The following OR3A2 variants were observed in gnomAD, a reference collection of about 807,000 sequenced individuals.
OR3A2 encodes the protein olfactory receptor family 3 subfamily A member 2.
For synonymous variants in OR3A2, 126 were observed against 159.3 expected (o/e 0.79, Z 1.57); for missense variants, 318 against 392.8 (o/e 0.81, Z 1.61).
intron 3 of OR3A2, among the ~76,000 whole-genome samples, chr17:3,292,928 C>T (rs548267631): frequency 4.6e-5 from 7 of 151,994 alleles, no homozygotes; most frequent in East Asian, 1.9e-4. Flanking sequence ...TGAACATGGC[C>T]GAGTAAATCC....
At chr17:3,381,777 G>C (rs1350585336) in intron 2 of OR3A2, among the ~76,000 whole-genome samples, 1 of 152,082 alleles carries the variant, frequency 6.6e-6, no homozygotes, top group Non-Finnish European at 1.5e-5. Flanking sequence ...TGAATGCCTT[G>C]TCCTTCAAGC....
chr17:3,363,898 C>T (rs162260), intron 2 of OR3A2, among the ~76,000 whole-genome samples: 3,045 of 152,150 alleles, frequency 0.02, 110 homozygotes, highest in African/African-American at 0.068. Context: ...GGAGGAAGTG[C>T]TACACATTTT....
At chr17:3,379,736 C>A (rs2049717134) in intron 2 of OR3A2, among the ~76,000 whole-genome samples, 1 of 152,114 alleles carries the variant, frequency 6.6e-6, no homozygotes, top group Admixed American at 6.5e-5. Flanking sequence ...TGGGAAAAAC[C>A]AGGGAGAAGA....
chr17:3,350,657 G>C (rs1476487028), intron 2 of OR3A2, among the ~76,000 whole-genome samples: 3 of 150,404 alleles, frequency 2.0e-5, no homozygotes, highest in Non-Finnish European at 4.5e-5. Flanking sequence ...AATAGAAAAA[G>C]AGGGAATCCT....
intron 3 of OR3A2, chr17:3,292,201 C>T: frequency 2.5e-6 from 4 of 1,614,072 alleles, no homozygotes; most frequent in Non-Finnish European, 3.4e-6. Flanking sequence ...CGGCAGATGG[C>T]CAGGAATCGG....
chr17:3,333,472 C>A (rs2049255578), intron 3 of OR3A2, among the ~76,000 whole-genome samples: 2 of 152,126 alleles, frequency 1.3e-5, no homozygotes, highest in African/African-American at 4.8e-5. Context: ...GTGACCTACT[C>A]CCTGTTCGTA....
chr17:3,324,735 G>C (rs10451232), intron 3 of OR3A2, among the ~76,000 whole-genome samples: 2,334 of 152,158 alleles, frequency 0.015, 77 homozygotes, highest in African/African-American at 0.052. Flanking sequence ...TCTCAGAGGA[G>C]TACCCGGCCG....
chr17:3,301,502 G>A (rs1255264405), intron 3 of OR3A2, among the ~76,000 whole-genome samples: 3 of 152,174 alleles, frequency 2.0e-5, no homozygotes, highest in African/African-American at 4.8e-5. Context: ...TTTGAGAAGT[G>A]TCTGTTCATA....
intron 3 of OR3A2, among the ~76,000 whole-genome samples, chr17:3,333,754 G>A (rs74765895): frequency 0.014 from 2,142 of 152,184 alleles, 53 homozygotes; most frequent in African/African-American, 0.048. Flanking sequence ...ATTGACAAAA[G>A]GGAGGCAATT....
chr17:3,330,345 C>CTA (rs1341648626), intron 3 of OR3A2, among the ~76,000 whole-genome samples: 6 of 149,954 alleles, frequency 4.0e-5, no homozygotes. Flanking sequence ...GTGTGGGAGT[C>CTA]TAAGTCTCTT....
At chr17:3,323,111 T>G (rs183606336) in intron 3 of OR3A2, among the ~76,000 whole-genome samples, 1 of 152,302 alleles carries the variant, frequency 6.6e-6, no homozygotes, top group Admixed American at 6.5e-5. Context: ...ATTGATCCCT[T>G]TACCGTTAAG....
At position 3,330,364 on chromosome 17, in the gene OR3A2, A is replaced by T. The variant is rs2150641668; in HGVS notation, c.-85+5669T>A. Among the ~76,000 whole-genome samples, 3 of 149,692 alleles carry T rather than the reference A, an allele frequency of 2.0e-5. 1 individual carries two copies. The highest frequency in any genetic ancestry group is 7.5e-5 in the African/African-American group (3 of 39,870). On this transcript the variant is annotated intron_variant, in intron 3 of 4. Coordinates refer to the OR3A2 transcript ENST00000573491. ...GGGAGTCTAAGTCTCTTTGTAGGTC[A>T]CTCAGGACTTGCTTTATGAATCTGG...
rs1056285096 is a variant in OR3A2 at position 3,350,590 on chromosome 17, A to C, written c.-178-14464T>G. Among the ~76,000 whole-genome samples the C allele has an allele frequency of 8.6e-5, 13 of 150,666 alleles. 1 individual carries two copies. Among genetic ancestry groups the C allele is most frequent in the African/African-American group, 3.1e-4 (13 of 41,378 alleles). On this transcript the variant is annotated intron_variant, in intron 2 of 4. Transcript: ENST00000573491. ...CAGGACCAGATGGATTCACAGCCGA[A>C]TTCTACCAGAGGTACAAGGAGGAAC...
At chr17:3,296,430 A>C (rs1016228234) in intron 3 of OR3A2, among the ~76,000 whole-genome samples, 5 of 152,170 alleles carry the variant, frequency 3.3e-5, no homozygotes, top group Admixed American at 3.3e-4. Flanking sequence ...AAGGAACCAT[A>C]AGAAAAGTCA....
intron 1 of OR3A2, among the ~76,000 whole-genome samples, chr17:3,283,813 CA>C (rs1193523611): frequency 5.3e-5 from 8 of 151,372 alleles, no homozygotes; most frequent in African/African-American, 7.3e-5. Flanking sequence ...AAGTCATGGT[CA>C]GGGGTAGAAG....
At chr17:3,356,096 C>T (rs912072777) in intron 2 of OR3A2, among the ~76,000 whole-genome samples, 2 of 151,240 alleles carry the variant, frequency 1.3e-5, no homozygotes, top group African/African-American at 4.9e-5. Context: ...AACAATCAAA[C>T]AAACACACAA....
chr17:3,386,181 C>T (rs1347068025), exon 1 of OR3A2: 13 of 398,770 alleles, frequency 3.3e-5, no homozygotes, highest in Admixed American at 1.8e-4. Context: ...TGCTGGCCGG[C>T]CTGCTCCACC....
intron 2 of OR3A2, among the ~76,000 whole-genome samples, chr17:3,339,979 C>A (rs1217289547): frequency 6.6e-6 from 1 of 152,174 alleles, no homozygotes; most frequent in Non-Finnish European, 1.5e-5. Context: ...AGAGATTCAA[C>A]TTCTTCCTGG....
chr17:3,323,597 T>A (rs1270214307), intron 3 of OR3A2, among the ~76,000 whole-genome samples: 2 of 152,152 alleles, frequency 1.3e-5, no homozygotes, highest in East Asian at 3.8e-4. Flanking sequence ...TAAAGGGTTT[T>A]ATTTCTCCTT....
Sources: gnomAD v4.1 joint callset for allele counts (sites outside exome capture counted in the v4.1 genomes callset) on GRCh38, gnomAD v4.1.1 for gene constraint, MANE v1.5 for transcripts, NCBI Gene and HGNC (gene_info 2026-07-23, HGNC 2026-07-21) for gene names.